DNAH9: variants seen among roughly 807,000 people sequenced by gnomAD.
DNAH9 encodes dynein axonemal heavy chain 9, also known as DNAH9 variant protein.
Under a neutral mutation model 471.6 loss-of-function variants are expected in DNAH9, and 345 were observed. The ratio of observed to expected loss-of-function variants is 0.73; its 90% confidence interval spans 0.67 to 0.80. The LOEUF (loss-of-function observed/expected upper bound fraction) is 0.80. Among genes scored for constraint, DNAH9 ranks in the 30% least tolerant of loss-of-function variants. The pLI is 0.00. For synonymous variants in DNAH9, 2,093 were observed against 2,123.6 expected (o/e 0.99, Z 0.40); for missense variants, 5,407 against 5,609.2 (o/e 0.96, Z 1.15).
chr17:11,946,557 G>T (rs1031536477), intron 67 of DNAH9, among the ~76,000 whole-genome samples: 2 of 151,350 alleles, frequency 1.3e-5, no homozygotes, highest in Non-Finnish European at 2.9e-5. Flanking sequence ...CCAGCCACTC[G>T]GGAGGCTGAG....
At chr17:11,878,046 T>C (rs1972569756) in intron 53 of DNAH9, among the ~76,000 whole-genome samples, 1 of 152,190 alleles carries the variant, frequency 6.6e-6, no homozygotes. Context: ...TATGATATAT[T>C]TTTATTTGCA....
intron 12 of DNAH9, among the ~76,000 whole-genome samples, chr17:11,647,891 A>G (rs2073425098): frequency 6.6e-6 from 1 of 152,210 alleles, no homozygotes; most frequent in African/African-American, 2.4e-5. Context: ...TGCCAATGGC[A>G]TTTAGTGGAT....
rs1013746826 is a variant in DNAH9 at position 11,880,271 on chromosome 17, G to A, written c.10601+71G>A. 3.2e-6 allele frequency: 5 copies of A among 1,566,844 alleles called. No homozygotes were observed. The African/African-American group carries it at 4.1e-5, about 13-fold the overall frequency. On this transcript the variant is annotated intron_variant, in intron 54 of 68. Coordinates refer to ENST00000262442, the MANE Select transcript of DNAH9 (RefSeq NM_001372.4). ...TGGCCCTGGTTAGAATCATGAAGAG[G>A]TCTGCTCTTCCTAGAATTTCCTCTC...
intron 28 of DNAH9, among the ~76,000 whole-genome samples, chr17:11,734,351 A>G (rs1199245008): frequency 1.3e-5 from 2 of 152,362 alleles, no homozygotes; most frequent in African/African-American, 4.8e-5. Flanking sequence ...ATAGTAATGC[A>G]CAGTGTCCAC....
chr17:11,916,305 G>C (rs1391845753), intron 61 of DNAH9, among the ~76,000 whole-genome samples: 1 of 152,140 alleles, frequency 6.6e-6, no homozygotes, highest in Non-Finnish European at 1.5e-5. Flanking sequence ...CTCAGAATAC[G>C]TTATCTCAGC....
chr17:11,633,067 G>T (rs2073098398), intron 8 of DNAH9, among the ~76,000 whole-genome samples: 1 of 152,184 alleles, frequency 6.6e-6, no homozygotes, highest in Middle Eastern at 3.4e-3. Flanking sequence ...CACCTCCCAG[G>T]TAATGATTGA....
At chr17:11,604,072 GA>G (rs2072445012) in intron 1 of DNAH9, among the ~76,000 whole-genome samples, 1 of 151,524 alleles carries the variant, frequency 6.6e-6, no homozygotes, top group African/African-American at 2.4e-5. Flanking sequence ...ACCCAGGCTG[GA>G]GTGCAGTGGC....
At chr17:11,727,047 C>CAAAAAAAAAAAAAAAA (rs55659834) in intron 27 of DNAH9, among the ~76,000 whole-genome samples, 3 of 68,474 alleles carry the variant, frequency 4.4e-5, no homozygotes, top group African/African-American at 1.9e-4. Flanking sequence ...GACTCCGTCT[C>CAAAAAAAAAAAAAAAA]AAAAAAAAAA....
intron 38 of DNAH9, among the ~76,000 whole-genome samples, chr17:11,772,566 G>A (rs942266742): frequency 7.2e-5 from 11 of 152,084 alleles, no homozygotes; most frequent in Admixed American, 3.3e-4. Flanking sequence ...AGGTTCAAGC[G>A]ATTCTCCTGC....
chr17:11,633,343 AT>A (rs1388701963), intron 8 of DNAH9, among the ~76,000 whole-genome samples: 1 of 152,210 alleles, frequency 6.6e-6, no homozygotes. Context: ...AAGAAGTCAC[AT>A]TGTGGTTCAG....
At position 11,795,580 on chromosome 17, in the gene DNAH9, T is replaced by A. The variant is rs909801869; in HGVS notation, c.8223+1916T>A. Among the ~76,000 whole-genome samples the A allele has an allele frequency of 2.0e-5, 3 of 152,322 alleles. No homozygotes were observed. In the South Asian group the frequency reaches 6.2e-4, roughly 32 times the overall value. On this transcript the variant is annotated intron_variant, in intron 42 of 68. Transcript: ENST00000262442. ...ATTCTGCTTTTTACTAAGCCAGCTG[T>A]CCTAAATTCTCCCACTTCTCTCAGC...
At chr17:11,838,799 C>A (rs1299165100) in intron 49 of DNAH9, among the ~76,000 whole-genome samples, 1 of 152,144 alleles carries the variant, frequency 6.6e-6, no homozygotes, top group Non-Finnish European at 1.5e-5. Flanking sequence ...TAGTACACCA[C>A]CTGTAGTAAG....
intron 30 of DNAH9, among the ~76,000 whole-genome samples, chr17:11,743,178 T>C (rs753699140): frequency 6.6e-6 from 1 of 152,188 alleles, no homozygotes; most frequent in Non-Finnish European, 1.5e-5. Context: ...CCAGCCTCAG[T>C]ATGCTGACCC....
intron 5 of DNAH9, 39 bp downstream of exon 5, chr17:11,617,661 G>T: frequency 1.4e-6 from 2 of 1,479,952 alleles, no homozygotes; most frequent in Admixed American, 1.7e-5. Context: ...GCTCCCTGGG[G>T]GCTGGTTGGC....
intron 31 of DNAH9, 69 bp downstream of exon 31, chr17:11,745,153 T>G: frequency 1.6e-6 from 2 of 1,283,736 alleles, no homozygotes; most frequent in Non-Finnish European, 1.1e-6. Flanking sequence ...GGGTTATCCT[T>G]CATCCATAAT....
chr17:11,656,077 C>A (rs1409523232), intron 14 of DNAH9, among the ~76,000 whole-genome samples: 3 of 152,128 alleles, frequency 2.0e-5, no homozygotes, highest in African/African-American at 7.2e-5. Flanking sequence ...CAGGTAGATA[C>A]CCAGTAGTGG....
At chr17:11,619,494 A>G in intron 5 of DNAH9, 54 bp from the exon 6 acceptor site, 1 of 1,033,168 alleles carries the variant, frequency 9.7e-7, no homozygotes, top group East Asian at 2.4e-5. Flanking sequence ...TTGGTGTTGC[A>G]AAGTTACAGG....
chr17:11,861,716 T>C (rs1225838867), intron 50 of DNAH9, among the ~76,000 whole-genome samples: 1 of 152,210 alleles, frequency 6.6e-6, no homozygotes, highest in Non-Finnish European at 1.5e-5. Context: ...TGATTGCCAT[T>C]CTAACTGGTG....
chr17:11,721,154 G>T (rs575803375), intron 27 of DNAH9, among the ~76,000 whole-genome samples: 2 of 152,154 alleles, frequency 1.3e-5, no homozygotes, highest in African/African-American at 4.8e-5. Context: ...GTTGGCTAGG[G>T]GTCACTATGG....
Sources: gnomAD v4.1 joint callset for allele counts (sites outside exome capture counted in the v4.1 genomes callset) on GRCh38, gnomAD v4.1.1 for gene constraint, MANE v1.5 for transcripts, NCBI Gene and HGNC (gene_info 2026-07-23, HGNC 2026-07-21) for gene names.